Variants in VPS8 observed in about 807,000 individuals in gnomAD.
VPS8 encodes VPS8 subunit of CORVET complex, also known as vacuolar protein sorting-associated protein 8 homolog.
VPS8 carries 129 observed loss-of-function variants against 216.4 expected under a neutral mutation model. That is an observed-to-expected ratio of 0.60 (90% confidence interval 0.52 to 0.69). The LOEUF (loss-of-function observed/expected upper bound fraction) is 0.69. Ranked by LOEUF, VPS8 falls within the 30% of genes least tolerant of loss-of-function variation. VPS8 has a pLI of 0.00. For missense variants in VPS8, 1,531 were observed against 1,683.5 expected, an observed-to-expected ratio of 0.91 and a Z score of 1.59; for synonymous variants, 571 against 565.4, an observed-to-expected ratio of 1.01 and a Z score of -0.14.
intron 38 of VPS8, among the ~76,000 whole-genome samples, chr3:184,966,196 A>C (rs1285089295): frequency 6.6e-6 from 1 of 152,098 alleles, no homozygotes; most frequent in Non-Finnish European, 1.5e-5. Flanking sequence ...GAGGAGTGCC[A>C]TGCTCTTTTA....
At chr3:184,901,126 T>C (rs1734406048) in intron 25 of VPS8, 154 bp downstream of exon 25, 1 of 679,028 alleles carries the variant, frequency 1.5e-6, no homozygotes, top group African/African-American at 1.9e-5. Flanking sequence ...GAAGGAGCCA[T>C]AGCTTCTCAC....
chr3:184,999,381 T>C (rs1753090035), intron 44 of VPS8, among the ~76,000 whole-genome samples: 1 of 152,210 alleles, frequency 6.6e-6, no homozygotes, highest in African/African-American at 2.4e-5. Context: ...TTTTTCAGAT[T>C]ATCTAAAAAT....
rs1758601030 is a variant in VPS8 at position 185,034,515 on chromosome 3, C to G, written c.4056+10126C>G. ...TTGGTTTTTGCTTATTGTTTTAACTCCCTATAGAGTCTGGATATTAGGTCT... is the reference window on the plus strand; with the variant it reads ...TTGGTTTTTGCTTATTGTTTTAACTGCCTATAGAGTCTGGATATTAGGTCT... On this transcript the variant is annotated intron_variant, in intron 46 of 47. Coordinates refer to ENST00000625842, the MANE Select transcript of VPS8 (RefSeq NM_001009921.3). Among the ~76,000 whole-genome samples the G allele has an allele frequency of 2.0e-5, 3 of 152,150 alleles. No individual in the cohort carries two copies. The South Asian group carries it at 6.2e-4, about 32-fold the overall frequency.
intron 34 of VPS8, among the ~76,000 whole-genome samples, chr3:184,933,287 A>G (rs181911744): frequency 3.7e-4 from 56 of 152,262 alleles, no homozygotes; most frequent in Non-Finnish European, 5.7e-4. Context: ...TATGTTTTAC[A>G]TTTACCTTTC....
At chr3:184,976,264 A>G (rs1434372929) in intron 40 of VPS8, among the ~76,000 whole-genome samples, 1 of 152,126 alleles carries the variant, frequency 6.6e-6, no homozygotes, top group Admixed American at 6.5e-5. Flanking sequence ...TTCTGTGTCT[A>G]TAATTTCCAT....
chr3:184,880,348 A>T (rs866569137), intron 21 of VPS8, among the ~76,000 whole-genome samples: 1 of 151,196 alleles, frequency 6.6e-6, no homozygotes, highest in East Asian at 1.9e-4. Context: ...TCTGATACCC[A>T]GTAGTCTGTT....
intron 21 of VPS8, among the ~76,000 whole-genome samples, chr3:184,876,722 G>T (rs1729345825): frequency 6.6e-6 from 1 of 152,094 alleles, no homozygotes; most frequent in Non-Finnish European, 1.5e-5. Context: ...TGGCTATTCT[G>T]CCTCCTGACA....
chr3:184,946,257 T>TA (rs1253913784), intron 36 of VPS8, among the ~76,000 whole-genome samples: 1 of 152,244 alleles, frequency 6.6e-6, no homozygotes, highest in Admixed American at 6.5e-5. Context: ...TCATTAGTCT[T>TA]ACAAAGGTGA....
intron 21 of VPS8, among the ~76,000 whole-genome samples, chr3:184,871,659 T>C (rs1486589282): frequency 6.6e-6 from 1 of 152,196 alleles, no homozygotes; most frequent in African/African-American, 2.4e-5. Flanking sequence ...TGGTCTGATA[T>C]GTACTTGGCA....
chr3:184,828,018 G>C (rs557634604), intron 3 of VPS8, among the ~76,000 whole-genome samples: 2 of 152,256 alleles, frequency 1.3e-5, no homozygotes, highest in East Asian at 1.9e-4. Flanking sequence ...AAGGGCCGAA[G>C]TAGAAAACAT....
At chr3:184,857,788 T>C (rs191869764) in intron 14 of VPS8, among the ~76,000 whole-genome samples, 1 of 152,320 alleles carries the variant, frequency 6.6e-6, no homozygotes, top group Non-Finnish European at 1.5e-5. Context: ...GTAAATATTT[T>C]AGTATCTGTG....
At chr3:184,814,340 G>A (rs1715850408) in intron 1 of VPS8, among the ~76,000 whole-genome samples, 1 of 152,156 alleles carries the variant, frequency 6.6e-6, no homozygotes, top group South Asian at 2.1e-4. Flanking sequence ...AACTGTAATT[G>A]CAAGCCTCAT....
intron 42 of VPS8, among the ~76,000 whole-genome samples, chr3:184,983,959 C>T (rs1037344677): frequency 4.6e-5 from 7 of 150,644 alleles, no homozygotes; most frequent in African/African-American, 1.7e-4. Context: ...CCGAGGCGGG[C>T]GGATCATGAG....
intron 45 of VPS8, among the ~76,000 whole-genome samples, chr3:185,006,897 T>C (rs1240566228): frequency 3.9e-5 from 6 of 152,344 alleles, no homozygotes; most frequent in Middle Eastern, 3.4e-3. Context: ...AACTTTTACT[T>C]CTTCAGTTTC....
intron 23 of VPS8, among the ~76,000 whole-genome samples, chr3:184,896,737 A>G (rs1378602323): frequency 6.6e-6 from 1 of 152,238 alleles, no homozygotes; most frequent in Non-Finnish European, 1.5e-5. Context: ...TAAAGCCTAA[A>G]TTTTAGCAGA....
intron 45 of VPS8, among the ~76,000 whole-genome samples, chr3:185,018,048 A>T (rs1756063829): frequency 6.6e-6 from 1 of 152,186 alleles, no homozygotes; most frequent in African/African-American, 2.4e-5. Context: ...AAGCTCCAGG[A>T]AATGGAGTAT....
chr3:184,993,647 T>C (rs1297977265), intron 42 of VPS8, among the ~76,000 whole-genome samples: 1 of 152,148 alleles, frequency 6.6e-6, no homozygotes. Flanking sequence ...GTACACTGGT[T>C]TTAATGTAAC....
chr3:184,955,847 G>A (rs1745498542), intron 36 of VPS8, among the ~76,000 whole-genome samples: 1 of 151,960 alleles, frequency 6.6e-6, no homozygotes, highest in Admixed American at 6.6e-5. Context: ...TTACAATGTG[G>A]TTGGGGACAC....
At chr3:185,031,062 C>CTTTTTT (rs1561198896) in intron 46 of VPS8, among the ~76,000 whole-genome samples, 3 of 75,238 alleles carry the variant, frequency 4.0e-5, no homozygotes, top group African/African-American at 2.2e-4. Flanking sequence ...TACAGGTTGG[C>CTTTTTT]GTTTTTTTTT....
Sources: gnomAD v4.1 joint callset for allele counts (sites outside exome capture counted in the v4.1 genomes callset) on GRCh38, gnomAD v4.1.1 for gene constraint, MANE v1.5 for transcripts, NCBI Gene and HGNC (gene_info 2026-07-23, HGNC 2026-07-21) for gene names.